PLOD3: variants seen among roughly 807,000 people sequenced by gnomAD.
PLOD3 encodes the protein procollagen-lysine,2-oxoglutarate 5-dioxygenase 3.
In PLOD3, 73 loss-of-function variants were observed where a neutral mutation model predicts 96.9. The observed-to-expected ratio is 0.75, with a 90% CI of 0.62 to 0.92. PLOD3 has a LOEUF of 0.92. Ranked by LOEUF, PLOD3 falls within the 40% of genes least tolerant of loss-of-function variation. The pLI is 0.00. For synonymous variants in PLOD3, 454 were observed against 413.7 expected (o/e 1.10, Z -1.18); for missense variants, 1,004 against 1,004.3 (o/e 1.00, Z 0.00).
intron 6 of PLOD3, among the ~76,000 whole-genome samples, chr7:101,214,217 C>T (rs529210699): frequency 6.6e-6 from 1 of 152,102 alleles, no homozygotes; most frequent in South Asian, 2.1e-4. Flanking sequence ...AGCTCTGCCT[C>T]CCGGGTTCCA....
At position 101,216,738 on chromosome 7, in the gene PLOD3, A is replaced by G; in HGVS notation, c.158T>C (p.Leu53Pro). 1 of 1,614,036 alleles carries G rather than the reference A, an allele frequency of 6.2e-7. No individual in the cohort carries two copies. Among genetic ancestry groups the G allele is most frequent in the South Asian group, 1.1e-5 (1 of 91,080 alleles). The change falls in exon 2 of 19, where the codon CTG (leucine) becomes CCG (proline). Residue 53 changes from leucine (L) to proline (P), a missense_variant. Physicochemically the swap from Leu to Pro is moderately conservative, Grantham distance 98. Around this residue, in one of 5 missense-constraint regions of PLOD3, gnomAD observed 690 missense variants for 650.2 expected, o/e 1.06. Transcript: ENST00000223127. Reference protein sequence around the residue: ...TVATAETEGYLRFLRSAEFFN... With the variant: ...TVATAETEGYPRFLRSAEFFN... ...GAACTCCGCAGAGCGCAGGAAACGC[A>G]GGTACCCCTCGGTTTCAGCTGTGGC...
rs1468453015 is a variant in PLOD3, at chr7:101,207,061, TGC to T, written c.1936-159_1936-158del. Reference sequence around the variant, plus strand: ...CTCGATCTTGGCTCACTGCAACCTCTGCCTCCCGGTTTCAAGCAATTCTCATG... The same window carrying T: ...CTCGATCTTGGCTCACTGCAACCTCTCTCCCGGTTTCAAGCAATTCTCATG... On this transcript the variant is annotated intron_variant, in intron 17 of 18. Coordinates refer to ENST00000223127, the MANE Select transcript of PLOD3 (RefSeq NM_001084.5). Among the ~76,000 whole-genome samples, 5 of 152,206 alleles carry T rather than the reference TGC, an allele frequency of 3.3e-5. No homozygotes were observed. In the East Asian group the frequency reaches 9.6e-4, roughly 29 times the overall value.
At chr7:101,207,354 G>A (rs1190455678) in intron 17 of PLOD3, among the ~76,000 whole-genome samples, 1 of 151,966 alleles carries the variant, frequency 6.6e-6, no homozygotes, top group Non-Finnish European at 1.5e-5. Flanking sequence ...CTGCGTAGGA[G>A]GCTCTCGCTG....
rs760819096 is a variant in PLOD3 at position 101,208,863 on chromosome 7, C to T, written c.1778G>A (p.Gly593Asp). The T allele has an allele frequency of 6.2e-7, 1 of 1,611,748 alleles. No homozygotes were observed. Among genetic ancestry groups the T allele is most frequent in the Non-Finnish European group, 8.5e-7 (1 of 1,177,870 alleles). Reference sequence around the variant, plus strand: ...CGCCCAGGCCCTTACCTCATGCCGGCCGCCTGACCACTGGCCGTAGTGCTC... The same window carrying T: ...CGCCCAGGCCCTTACCTCATGCCGGTCGCCTGACCACTGGCCGTAGTGCTC... ...EMEHYGQWSG[G>D]RHEDSRLAGG... The change falls in exon 16 of 19, where the codon GGC becomes GAC. Residue 593 changes from glycine to aspartate, a missense_variant. Gly to Asp is a moderately conservative substitution (Grantham distance 94). Around this residue, in one of 5 missense-constraint regions of PLOD3, gnomAD observed 222 missense variants for 220.4 expected, o/e 1.01. Coordinates refer to ENST00000223127, the MANE Select transcript of PLOD3 (RefSeq NM_001084.5).
intron 13 of PLOD3, 44 bp from the exon 14 acceptor site, chr7:101,210,488 G>A: frequency 6.2e-7 from 1 of 1,614,038 alleles, no homozygotes; most frequent in East Asian, 2.2e-5. Context: ...GATGCCTGGA[G>A]TCTGGGGGAC....
At chr7:101,212,681 C>G (rs754402789) in intron 8 of PLOD3, 26 bp from the exon 9 acceptor site, 6 of 1,612,752 alleles carry the variant, frequency 3.7e-6, no homozygotes, top group African/African-American at 2.7e-5. Context: ...CGCAGGGACT[C>G]AGAGAGAAGC....
chr7:101,216,136 C>G (rs540193921), intron 4 of PLOD3, 27 bp downstream of exon 4: 23 of 1,613,908 alleles, frequency 1.4e-5, no homozygotes, highest in Admixed American at 5.0e-5. Flanking sequence ...CTCTTGGCCC[C>G]TCTGCCTTGG....
chr7:101,212,336 C>T lies in PLOD3; in HGVS notation c.1044G>A (p.Pro348=), dbSNP rs371771865. 8.9e-5 allele frequency: 144 copies of T among 1,613,424 alleles called. No homozygotes were observed. Among genetic ancestry groups the T allele is most frequent in the Non-Finnish European group, 1.2e-4 (136 of 1,179,746 alleles). The change falls in exon 10 of 19, where the codon CCG becomes CCA. Residue 348 remains proline, a synonymous_variant. Coordinates refer to ENST00000223127, the MANE Select transcript of PLOD3 (RefSeq NM_001084.5). ...CAGCTGAGAAGTGGTCCTGGAGCTG[C>T]GGCCAGGAGTCAGCGATGTGGGGTT... ...FHEPHIADSW[P]QLQDHFSAVK...
chr7:101,212,172 G>A (rs957023270), intron 10 of PLOD3, 81 bp downstream of exon 10: 1 of 1,561,982 alleles, frequency 6.4e-7, no homozygotes, highest in South Asian at 1.1e-5. Context: ...GACAGGTGAG[G>A]CAAGGGCCAG....
At chr7:101,210,034 C>T in intron 15 of PLOD3, 59 bp downstream of exon 15, 2 of 978,268 alleles carry the variant, frequency 2.0e-6, no homozygotes, top group Non-Finnish European at 3.1e-6. Flanking sequence ...CAGGCGGGGG[C>T]CCCCAAGAGG....
At position 101,212,622 on chromosome 7, in the gene PLOD3, C is replaced by T; in HGVS notation, c.913G>A (p.Glu305Lys). ...CGGGGCAGAAACGGAGTAGGCTGTTCCACAAACACGGCCAGAAACACCCGG... is the reference window on the plus strand; with the variant it reads ...CGGGGCAGAAACGGAGTAGGCTGTTTCACAAACACGGCCAGAAACACCCGG... Reference protein sequence around the residue: ...PPRVFLAVFVEQPTPFLPRFL... With the variant: ...PPRVFLAVFVKQPTPFLPRFL... Residue 305 changes from glutamate (E) to lysine (K), a missense_variant, in exon 9 of 19, where the codon GAA (glutamate) becomes AAA (lysine). Physicochemically the swap from Glu to Lys is moderately conservative, Grantham distance 56 (BLOSUM62 1). Coordinates refer to ENST00000223127, the MANE Select transcript of PLOD3 (RefSeq NM_001084.5). 6.2e-7 allele frequency: 1 copy of T among 1,613,860 alleles called. No homozygotes were observed. The highest frequency in any genetic ancestry group is 1.1e-5 in the South Asian group (1 of 91,072).
At chr7:101,217,056 G>C (rs1001458575) in intron 1 of PLOD3, 110 bp downstream of exon 1, 1 of 1,203,108 alleles carries the variant, frequency 8.3e-7, no homozygotes, top group Non-Finnish European at 1.1e-6. Flanking sequence ...AGCACGCTGG[G>C]CGGGGGACGG....
At chr7:101,208,197 A>G (rs535312489) in intron 16 of PLOD3, among the ~76,000 whole-genome samples, 9 of 152,136 alleles carry the variant, frequency 5.9e-5, no homozygotes, top group Non-Finnish European at 1.3e-4. Flanking sequence ...TCTGGGGCTC[A>G]AGTGATCCTT....
At chr7:101,210,043 G>T in intron 15 of PLOD3, 50 bp downstream of exon 15, 1 of 1,135,614 alleles carries the variant, frequency 8.8e-7, no homozygotes, top group Non-Finnish European at 1.3e-6. Context: ...GCCCCCAAGA[G>T]GCGATGGCCA....
chr7:101,207,805 C>T (rs961933652), intron 16 of PLOD3, 81 bp from the exon 17 acceptor site: 18 of 1,487,398 alleles, frequency 1.2e-5, no homozygotes, highest in Middle Eastern at 2.2e-4. Flanking sequence ...TCCTTCCTCC[C>T]GTCCTCCAGC....
chr7:101,207,519 T>C, intron 17 of PLOD3, 59 bp downstream of exon 17: 4 of 1,578,046 alleles, frequency 2.5e-6, no homozygotes, highest in African/African-American at 2.7e-5. Flanking sequence ...GCGTGGAGAC[T>C]TCCTGTCCGG....
rs1798214237 is a variant in PLOD3 at position 101,213,146 on chromosome 7, GT to G, written c.737del (p.Asp246AlafsTer112). On this transcript the variant is annotated frameshift_variant, in exon 7 of 19. Transcript: ENST00000223127. LOFTEE classifies it high-confidence loss of function. ...NRVRIRNVAY[D>X]TLPIVVHGNG... ...TTCCATGGACCACAATGGGGAGCGTGTCGTAGGCCACGTTCCGGATACGCAC... is the reference window on the plus strand; with the variant it reads ...TTCCATGGACCACAATGGGGAGCGTGCGTAGGCCACGTTCCGGATACGCAC... 1 of 1,613,624 alleles carries G rather than the reference GT, an allele frequency of 6.2e-7. No homozygotes were observed. Among genetic ancestry groups the G allele is most frequent in the Non-Finnish European group, 8.5e-7 (1 of 1,179,700 alleles).
At position 101,208,843 on chromosome 7, in the gene PLOD3, A is replaced by T; in HGVS notation, c.1788+10T>A. The T allele has an allele frequency of 6.3e-7, 1 of 1,576,848 alleles. No homozygotes were observed. Among genetic ancestry groups the T allele is most frequent in the Non-Finnish European group, 8.7e-7 (1 of 1,146,316 alleles). On this transcript the variant is annotated intron_variant, in intron 16 of 18. Transcript: ENST00000223127. Reference sequence around the variant, plus strand: ...GGGAAGGCCTCTGCCCTCCTCGCCCAGGCCCTTACCTCATGCCGGCCGCCT... The same window carrying T: ...GGGAAGGCCTCTGCCCTCCTCGCCCTGGCCCTTACCTCATGCCGGCCGCCT...
At chr7:101,209,902 G>A (rs1798154365) in intron 15 of PLOD3, 191 bp downstream of exon 15, 1 of 583,796 alleles carries the variant, frequency 1.7e-6, no homozygotes, top group South Asian at 2.2e-5. Flanking sequence ...TACAGGAGAA[G>A]AGGCTGTCTG....
Sources: allele counts gnomAD v4.1 joint callset (sites outside exome capture counted in the v4.1 genomes callset), GRCh38; gene constraint gnomAD v4.1.1; regional missense constraint gnomAD v4.1.1; transcripts MANE v1.5; gene names NCBI Gene and HGNC (gene_info 2026-07-23, HGNC 2026-07-21).